Variants in PKNOX2 observed in about 807,000 individuals in gnomAD.
The protein encoded by PKNOX2 is PBX/knotted 1 homeobox 2, also known as homeobox protein PKNOX2.
PKNOX2 carries 14 observed loss-of-function variants against 53.1 expected under a neutral mutation model. The observed-to-expected ratio is 0.26, with a 90% CI of 0.17 to 0.41. PKNOX2 has a LOEUF of 0.41. Among genes scored for constraint, PKNOX2 ranks in the 10% least tolerant of loss-of-function variants. PKNOX2 has a pLI of 1.00. For missense variants in PKNOX2, 496 were observed against 602.8 expected (o/e 0.82, Z 1.85); for synonymous variants, 257 against 242.8 (o/e 1.06, Z -0.54).
intron 10 of PKNOX2, among the ~76,000 whole-genome samples, chr11:125,425,679 C>T (rs1433807596): frequency 6.6e-6 from 1 of 152,238 alleles, no homozygotes; most frequent in Non-Finnish European, 1.5e-5. Flanking sequence ...CCCTCCTTGG[C>T]CCCAAGCCTG....
chr11:125,258,894 G>C (rs1944615927), intron 2 of PKNOX2: 1 of 388,844 alleles, frequency 2.6e-6, no homozygotes. Flanking sequence ...AGGAGCTCCT[G>C]CTGCAGCCTC....
At chr11:125,351,783 C>T (rs1302537811) in intron 4 of PKNOX2, among the ~76,000 whole-genome samples, 1 of 152,270 alleles carries the variant, frequency 6.6e-6, no homozygotes, top group Non-Finnish European at 1.5e-5. Flanking sequence ...AGAAACTTCA[C>T]ACTCAGAGGT....
At chr11:125,202,245 G>A (rs1938536528) in intron 1 of PKNOX2, among the ~76,000 whole-genome samples, 1 of 152,200 alleles carries the variant, frequency 6.6e-6, no homozygotes, top group African/African-American at 2.4e-5. Context: ...CATGCTGAGG[G>A]CCAGGGGCCA....
intron 1 of PKNOX2, among the ~76,000 whole-genome samples, chr11:125,229,257 C>G (rs1488355756): frequency 6.6e-6 from 1 of 152,106 alleles, no homozygotes; most frequent in Non-Finnish European, 1.5e-5. Context: ...GTGTCTGGCC[C>G]CGTGACGGGG....
chr11:125,289,053 C>A (rs868132556), intron 2 of PKNOX2, among the ~76,000 whole-genome samples: 1 of 152,208 alleles, frequency 6.6e-6, no homozygotes, highest in Non-Finnish European at 1.5e-5. Context: ...TAGCAGGTGC[C>A]TTTTACCATT....
At chr11:125,202,253 C>A (rs1938538431) in intron 1 of PKNOX2, among the ~76,000 whole-genome samples, 1 of 152,222 alleles carries the variant, frequency 6.6e-6, no homozygotes, top group South Asian at 2.1e-4. Flanking sequence ...GGGCCAGGGG[C>A]CAGCCAGGCT....
At chr11:125,317,786 C>G (rs1949291171) in intron 2 of PKNOX2, among the ~76,000 whole-genome samples, 1 of 152,150 alleles carries the variant, frequency 6.6e-6, no homozygotes, top group African/African-American at 2.4e-5. Flanking sequence ...CTGGCTTCAA[C>G]CTAAAGTCAC....
At chr11:125,278,513 A>G (rs1253329395) in intron 2 of PKNOX2, among the ~76,000 whole-genome samples, 3 of 152,118 alleles carry the variant, frequency 2.0e-5, no homozygotes, top group African/African-American at 7.2e-5. Context: ...GGCTCAGGCG[A>G]ATGGGAAGTC....
chr11:125,180,031 C>A (rs906505122), intron 1 of PKNOX2, among the ~76,000 whole-genome samples: 1 of 152,182 alleles, frequency 6.6e-6, no homozygotes, highest in Non-Finnish European at 1.5e-5. Flanking sequence ...TACACGCACA[C>A]GGGCCTTCTA....
At chr11:125,359,492 T>A (rs1284304753) in intron 4 of PKNOX2, among the ~76,000 whole-genome samples, 1 of 152,136 alleles carries the variant, frequency 6.6e-6, no homozygotes, top group African/African-American at 2.4e-5. Flanking sequence ...ATCCCCATAC[T>A]CCAACTCGCC....
At chr11:125,264,928 C>G (rs1030950164) in intron 2 of PKNOX2, among the ~76,000 whole-genome samples, 3 of 152,048 alleles carry the variant, frequency 2.0e-5, no homozygotes, top group Admixed American at 2.0e-4. Context: ...GCTCTGGGGG[C>G]GTAAAGAAAG....
intron 10 of PKNOX2, among the ~76,000 whole-genome samples, chr11:125,420,828 G>A (rs1288950226): frequency 1.3e-5 from 2 of 152,114 alleles, no homozygotes; most frequent in African/African-American, 2.4e-5. Context: ...CTGGGGCATC[G>A]TGTCAATAGG....
At chr11:125,209,394 C>A (rs1487190018) in intron 1 of PKNOX2, among the ~76,000 whole-genome samples, 2 of 151,994 alleles carry the variant, frequency 1.3e-5, no homozygotes, top group Non-Finnish European at 2.9e-5. Context: ...GGTACACACA[C>A]ATACACATGT....
At chr11:125,207,265 T>C (rs1191088427) in intron 1 of PKNOX2, among the ~76,000 whole-genome samples, 1 of 152,118 alleles carries the variant, frequency 6.6e-6, no homozygotes, top group South Asian at 2.1e-4. Context: ...TTTCCTTTTT[T>C]CTTTTTCTGT....
chr11:125,313,008 A>C (rs1948917600), intron 2 of PKNOX2, among the ~76,000 whole-genome samples: 1 of 152,230 alleles, frequency 6.6e-6, no homozygotes, highest in Non-Finnish European at 1.5e-5. Flanking sequence ...GAGGAGGCCA[A>C]GCCCACTGGA....
At chr11:125,221,182 A>G (rs142641549) in intron 1 of PKNOX2, among the ~76,000 whole-genome samples, 3 of 152,002 alleles carry the variant, frequency 2.0e-5, no homozygotes, top group Non-Finnish European at 2.9e-5. Context: ...AATTGTCACC[A>G]TCTAATTGGC....
chr11:125,233,026 T>C (rs1451068954), intron 1 of PKNOX2, among the ~76,000 whole-genome samples: 1 of 152,196 alleles, frequency 6.6e-6, no homozygotes, highest in East Asian at 1.9e-4. Context: ...TGGTTTAAAG[T>C]AATGAGATTG....
intron 2 of PKNOX2, among the ~76,000 whole-genome samples, chr11:125,323,341 C>G (rs60501091): frequency 7.9e-5 from 12 of 152,206 alleles, no homozygotes; most frequent in Non-Finnish European, 1.5e-4. Context: ...TTTTACCATG[C>G]CTTCCACTTC....
At chr11:125,197,935 A>G (rs763094551) in intron 1 of PKNOX2, among the ~76,000 whole-genome samples, 14 of 152,184 alleles carry the variant, frequency 9.2e-5, no homozygotes, top group Non-Finnish European at 2.1e-4. Flanking sequence ...TAGGGAAGCT[A>G]ATGGTCACTC....
Sources: allele counts gnomAD v4.1 joint callset (sites outside exome capture counted in the v4.1 genomes callset), GRCh38; gene constraint gnomAD v4.1.1; transcripts MANE v1.5; gene names NCBI Gene and HGNC (gene_info 2026-07-23, HGNC 2026-07-21).